Variants in PLA2G6 observed in about 807,000 individuals in gnomAD.
PLA2G6 encodes phospholipase A2 group VI.
PLA2G6 carries 62 observed loss-of-function variants against 83.8 expected under a neutral mutation model. The ratio of observed to expected loss-of-function variants is 0.74; its 90% confidence interval spans 0.60 to 0.91. PLA2G6 has a LOEUF of 0.91. Ranked by LOEUF, PLA2G6 falls within the 40% of genes least tolerant of loss-of-function variation. The pLI is 0.00. For missense variants in PLA2G6, 944 were observed against 1,102.0 expected (o/e 0.86, Z 2.03); for synonymous variants, 417 against 449.8 (o/e 0.93, Z 0.92).
At chr22:38,146,257 G>C (rs781029230) in intron 2 of PLA2G6, 1 of 158,080 alleles carries the variant, frequency 6.3e-6, no homozygotes, top group Non-Finnish European at 1.4e-5. Context: ...GGCTGGTCTC[G>C]AACTCCTGAG....
intron 12 of PLA2G6, among the ~76,000 whole-genome samples, chr22:38,119,761 C>T (rs1450532646): frequency 1.3e-5 from 2 of 151,934 alleles, no homozygotes; most frequent in Middle Eastern, 3.4e-3. Context: ...TGCAGTAAGC[C>T]GTGTTCACAG....
chr22:38,154,019 G>A (rs1038256310), intron 2 of PLA2G6, among the ~76,000 whole-genome samples: 2 of 152,242 alleles, frequency 1.3e-5, no homozygotes, highest in African/African-American at 4.8e-5. Context: ...CTTGTGGAAA[G>A]GGGAGGGAAG....
chr22:38,156,122 T>C lies in PLA2G6; in HGVS notation c.210-10469A>G, dbSNP rs189851102. Among the ~76,000 whole-genome samples, 34 of 152,280 alleles carry C rather than the reference T, an allele frequency of 2.2e-4. No homozygotes were observed. In the East Asian group the frequency reaches 5.6e-3, roughly 25 times the overall value. On this transcript the variant is annotated intron_variant, in intron 2 of 16. Coordinates refer to ENST00000332509, the MANE Select transcript of PLA2G6 (RefSeq NM_003560.4). ...TAAAAGGGTCAATTCAGCAAGATAATGTAACAATTTTAAATACATATGCAC... is the reference window on the plus strand; with the variant it reads ...TAAAAGGGTCAATTCAGCAAGATAACGTAACAATTTTAAATACATATGCAC...
chr22:38,175,151 C>T (rs2090586164), intron 1 of PLA2G6, among the ~76,000 whole-genome samples: 1 of 152,162 alleles, frequency 6.6e-6, no homozygotes, highest in South Asian at 2.1e-4. Context: ...TGTGTGAAAA[C>T]TGCTTTTCTG....
intron 1 of PLA2G6, 101 bp from the exon 2 acceptor site, chr22:38,169,572 C>A: frequency 1.4e-6 from 1 of 708,240 alleles, no homozygotes; most frequent in South Asian, 1.5e-5. Flanking sequence ...CACTCCCCAC[C>A]AGCGTTGTCC....
chr22:38,161,744 C>T (rs1179356081), intron 2 of PLA2G6, among the ~76,000 whole-genome samples: 2 of 151,762 alleles, frequency 1.3e-5, no homozygotes, highest in African/African-American at 2.4e-5. Flanking sequence ...ATTTTCTCAG[C>T]GAGACAGCAG....
At chr22:38,126,674 A>G (rs2087880795) in intron 9 of PLA2G6, 3 of 564,156 alleles carry the variant, frequency 5.3e-6, no homozygotes, top group Non-Finnish European at 9.8e-6. Context: ...AGGGGGGCCC[A>G]CTGCTCTGGG....
rs1223788672 is a variant in PLA2G6 at position 38,140,170 on chromosome 22, C to A, written c.610-1G>T. 1.2e-6 allele frequency: 2 copies of A among 1,613,904 alleles called. No homozygotes were observed. Among genetic ancestry groups the A allele is most frequent in the Non-Finnish European group, 1.7e-6 (2 of 1,179,898 alleles). On this transcript the variant is annotated splice_acceptor_variant, in intron 4 of 16. Transcript: ENST00000332509. LOFTEE classifies it high-confidence loss of function. The stretch of plus-strand genomic sequence containing the variant: ...CAGCCACTGCGTTCCTTCCAAGGAG[C>A]TGATGAAAGAGGAAGGGAAGTTTGA...
intron 2 of PLA2G6, among the ~76,000 whole-genome samples, chr22:38,160,452 T>C (rs994341121): frequency 2.8e-5 from 4 of 143,316 alleles, no homozygotes; most frequent in African/African-American, 1.0e-4. Flanking sequence ...AACTGTGATA[T>C]AGTAGACAAT....
Position 38,126,409 on chromosome 22 carries a change from T to A in PLA2G6, c.1389A>T (p.Pro463=). Residue 463 remains proline (P), a synonymous_variant, in exon 10 of 17, where the codon CCA becomes CCT. Transcript: ENST00000332509. ...CCCTCATGGAGCCCAGGATGAACGC[T>A]GGCTTCCGGGCCCGTGAGATGTGCA... The part of the protein sequence containing the change: ...DLMHISRARK[P]AFILGSMRDE... 6.2e-7 allele frequency: 1 copy of A among 1,613,760 alleles called. No homozygotes were observed. Among genetic ancestry groups the A allele is most frequent in the Non-Finnish European group, 8.5e-7 (1 of 1,179,932 alleles).
intron 10 of PLA2G6, among the ~76,000 whole-genome samples, chr22:38,125,966 A>G (rs866084285): frequency 2.6e-5 from 4 of 152,162 alleles, no homozygotes; most frequent in Non-Finnish European, 4.4e-5. Flanking sequence ...GGTGCTGGGG[A>G]AGGCAGCCCA....
intron 2 of PLA2G6, chr22:38,150,073 TAG>T (rs1420208321): frequency 8.4e-6 from 1 of 119,444 alleles, no homozygotes; most frequent in Non-Finnish European, 1.8e-5. Flanking sequence ...AAAAAACACA[TAG>T]AAAAAAACAA....
At chr22:38,171,178 A>G (rs1018304740) in intron 1 of PLA2G6, among the ~76,000 whole-genome samples, 1 of 151,804 alleles carries the variant, frequency 6.6e-6, no homozygotes, top group African/African-American at 2.4e-5. Flanking sequence ...GTCTCAAAAA[A>G]AAAAAAAAAA....
intron 1 of PLA2G6, among the ~76,000 whole-genome samples, chr22:38,180,140 GACACACAC>G (rs133028): frequency 0.027 from 3,769 of 137,890 alleles, 67 homozygotes; most frequent in Middle Eastern, 0.039. Flanking sequence ...GATGTCTGCA[GACACACAC>G]ACACACACAC....
In PLA2G6 at chr22:38,111,646, G is replaced by A. The variant is rs1280474402; in HGVS notation, c.*515C>T. On this transcript the variant is annotated 3_prime_UTR_variant, in exon 17 of 17. Transcript: ENST00000332509. Reference sequence around the variant, plus strand: ...GCCAGTGTGAGGGGCAAAGTCCAACGGGCATCCCACTCCTGCGGCCTGGGC... The same window carrying A: ...GCCAGTGTGAGGGGCAAAGTCCAACAGGCATCCCACTCCTGCGGCCTGGGC... 3.6e-5 allele frequency: 7 copies of A among 194,352 alleles called. No individual in the cohort carries two copies. Among genetic ancestry groups the A allele is most frequent in the Admixed American group, 1.1e-4 (2 of 18,564 alleles). 12.0% of individuals were successfully genotyped at this position (194,352 alleles called of 1,614,324 possible).
intron 2 of PLA2G6, among the ~76,000 whole-genome samples, chr22:38,165,731 T>A (rs1295963021): frequency 1.3e-5 from 2 of 151,708 alleles, no homozygotes; most frequent in East Asian, 1.9e-4. Context: ...ACAAAAAAAA[T>A]TAACTGGGCG....
rs917335188 is a variant in PLA2G6 at position 38,132,792 on chromosome 22, C to A, written c.1077+39G>T. 3 of 1,522,790 alleles carry A rather than the reference C, an allele frequency of 2.0e-6. No individual in the cohort carries two copies. Among genetic ancestry groups the A allele is most frequent in the African/African-American group, 1.4e-5 (1 of 72,688 alleles). The allele number at this position is 1,522,790 out of a possible 1,614,324, so 94.3% of individuals were successfully genotyped here. A position where few individuals can be genotyped will look rare whatever the true frequency, so the allele number is the denominator to read the frequency against. ...CCGGACAGCCCTCCTGCATTCCCAC[C>A]GGGGCCCCACAGGGCAGGACACGCG... On this transcript the variant is annotated intron_variant, in intron 7 of 16. Coordinates refer to ENST00000332509, the MANE Select transcript of PLA2G6 (RefSeq NM_003560.4). This position sits in a 1 kb window ranked among gnomAD's most constrained non-coding sequence, Gnocchi z 5.0.
rs1305444246 is a variant in PLA2G6 at position 38,128,709 on chromosome 22, C to G, written c.1187-279G>C. Among the ~76,000 whole-genome samples the G allele has an allele frequency of 1.3e-5, 2 of 152,204 alleles. No individual in the cohort carries two copies. Among genetic ancestry groups the G allele is most frequent in the African/African-American group, 4.8e-5 (2 of 41,450 alleles). Reference sequence around the variant, plus strand: ...TGGGAACCCCTTCTTTCCTTCTACTCCAGCCAAGAAAGCAGGAATCCCATG... The same window carrying G: ...TGGGAACCCCTTCTTTCCTTCTACTGCAGCCAAGAAAGCAGGAATCCCATG... On this transcript the variant is annotated intron_variant, in intron 8 of 16. Transcript: ENST00000332509. This position sits in a 1 kb window ranked among gnomAD's most constrained non-coding sequence, Gnocchi z 4.4.
intron 8 of PLA2G6, among the ~76,000 whole-genome samples, 188 bp downstream of exon 8, chr22:38,129,266 C>T (rs1009631951): frequency 1.4e-4 from 21 of 152,238 alleles, no homozygotes; most frequent in Non-Finnish European, 2.1e-4. Flanking sequence ...GGGCCTGCAT[C>T]TACTGCTCAG....
Sources: allele counts gnomAD v4.1 joint callset (sites outside exome capture counted in the v4.1 genomes callset), GRCh38; gene constraint gnomAD v4.1.1; non-coding constraint Gnocchi (gnomAD v3.1); transcripts MANE v1.5; gene names NCBI Gene and HGNC (gene_info 2026-07-23, HGNC 2026-07-21).